Variants in ANO9 observed in about 807,000 individuals in gnomAD.
ANO9 encodes anoctamin-9.
Under a neutral mutation model 100.5 loss-of-function variants are expected in ANO9, and 80 were observed. That is an observed-to-expected ratio of 0.80 (90% confidence interval 0.66 to 0.96). The LOEUF is 0.96. Ranked by LOEUF, ANO9 falls within the 40% of genes least tolerant of loss-of-function variation. ANO9 has a pLI of 0.00. For missense variants in ANO9, 1,064 were observed against 1,072.7 expected, an observed-to-expected ratio of 0.99 and a Z score of 0.11; for synonymous variants, 473 against 435.6, an observed-to-expected ratio of 1.09 and a Z score of -1.07.
intron 3 of ANO9, 146 bp from the exon 4 acceptor site, chr11:433,605 G>C (rs1166052324): frequency 3.8e-5 from 55 of 1,432,128 alleles, no homozygotes; most frequent in Non-Finnish European, 5.0e-5. Context: ...CTGTGGCCCA[G>C]AGCCACGGAG....
rs764537966 is a variant in ANO9, at chr11:418,467, C to A, written c.2253G>T (p.Arg751Ser). The change falls in exon 23 of 23, where the codon AGG becomes AGT. Residue 751 changes from arginine to serine, a missense_variant. Transcript: ENST00000332826. ...CTGCCCCCACCCCACCCAGCCTCTGCCTTCCATGCCACATCTTCTCACGCA... is the reference window on the plus strand; with the variant it reads ...CTGCCCCCACCCCACCCAGCCTCTGACTTCCATGCCACATCTTCTCACGCA... ...QRLREKMWHGRQRLGGVGAGS... is the reference protein window; with the variant it reads ...QRLREKMWHGSQRLGGVGAGS... 6.2e-7 allele frequency: 1 copy of A among 1,613,034 alleles called. No homozygotes were observed. Among genetic ancestry groups the A allele is most frequent in the South Asian group, 1.1e-5 (1 of 91,088 alleles).
In ANO9 at chr11:418,159, T is replaced by A. The variant is rs1847956076; in HGVS notation, c.*212A>T. The A allele has an allele frequency of 6.9e-6, 4 of 577,384 alleles. No homozygotes were observed. In the South Asian group the frequency reaches 9.3e-5, roughly 13 times the overall value. 35.8% of individuals were successfully genotyped at this position (577,384 alleles called of 1,614,324 possible). On this transcript the variant is annotated 3_prime_UTR_variant, in exon 23 of 23. Transcript: ENST00000332826. ...TGCCCAGGGTCACCCAGAGTTCAAGTCAGGGCTGTGCCAAGCCTGAGAGCC... is the reference window on the plus strand; with the variant it reads ...TGCCCAGGGTCACCCAGAGTTCAAGACAGGGCTGTGCCAAGCCTGAGAGCC...
At chr11:420,158 G>A (rs959251949) in intron 19 of ANO9, 27 of 1,363,386 alleles carry the variant, frequency 2.0e-5, no homozygotes, top group Admixed American at 3.2e-5. Flanking sequence ...TCTTGGGACA[G>A]AGGCCGGCTG....
chr11:441,034 C>G (rs889250234), intron 1 of ANO9, among the ~76,000 whole-genome samples: 1 of 152,172 alleles, frequency 6.6e-6, no homozygotes, highest in African/African-American at 2.4e-5. Flanking sequence ...CAGAGGGGAC[C>G]CTGAGCTCAG....
Position 433,559 on chromosome 11 carries a change from C to G in ANO9, c.205-100G>C, listed in dbSNP as rs552358650. On this transcript the variant is annotated intron_variant, in intron 3 of 22. Transcript: ENST00000332826. ...CTATTCCACCTCAGAACCCTCCCCCCTCTATTCCGCCTCAGAACCCTCCCT... is the reference window on the plus strand; with the variant it reads ...CTATTCCACCTCAGAACCCTCCCCCGTCTATTCCGCCTCAGAACCCTCCCT... 53 of 1,478,434 alleles carry G rather than the reference C, an allele frequency of 3.6e-5. 1 individual carries two copies. Among genetic ancestry groups the G allele is most frequent in the East Asian group, 1.9e-4 (8 of 41,472 alleles). 91.6% of individuals were successfully genotyped at this position (1,478,434 alleles called of 1,614,324 possible).
chr11:441,824 TC>T, intron 1 of ANO9, 96 bp downstream of exon 1: 1 of 1,517,650 alleles, frequency 6.6e-7, no homozygotes, highest in Non-Finnish European at 8.8e-7. Flanking sequence ...ACAGGCGCCT[TC>T]CAGGTGGGGC....
intron 15 of ANO9, among the ~76,000 whole-genome samples, chr11:426,062 A>T (rs910322263): frequency 1.3e-5 from 2 of 152,308 alleles, no homozygotes; most frequent in Middle Eastern, 3.4e-3. Context: ...AGGCACTTTT[A>T]AAAAATGAAA....
intron 1 of ANO9, among the ~76,000 whole-genome samples, chr11:437,046 G>C (rs1161214298): frequency 7.1e-6 from 1 of 141,080 alleles, no homozygotes; most frequent in Non-Finnish European, 1.6e-5. Flanking sequence ...CGGGGGGTGC[G>C]TGGGGGGTGA....
At position 429,642 on chromosome 11, in the gene ANO9, G is replaced by C; in HGVS notation, c.843C>G (p.Phe281Leu). 2 of 1,612,606 alleles carry C rather than the reference G, an allele frequency of 1.2e-6. No homozygotes were observed. Among genetic ancestry groups the C allele is most frequent in the Non-Finnish European group, 1.7e-6 (2 of 1,179,870 alleles). ...CGCGCTGCCGCTTCCAGATCTCCAG[G>C]AACACCGTGGCTGCGGCGGGGGCAA... ...AIFMALWATV[F>L]LEIWKRQRAR... The change falls in exon 11 of 23, where the codon TTC becomes TTG. Residue 281 changes from phenylalanine (F) to leucine (L), a missense_variant. Physicochemically the swap from Phe to Leu is conservative, Grantham distance 22 (BLOSUM62 0). Coordinates refer to ENST00000332826, the MANE Select transcript of ANO9 (RefSeq NM_001012302.3).
chr11:434,136 T>C, intron 1 of ANO9, 38 bp from the exon 2 acceptor site: 1 of 1,545,700 alleles, frequency 6.5e-7, no homozygotes. Flanking sequence ...TAGGAGGATG[T>C]GATTGGGGGC....
chr11:438,857 C>G (rs1043084545), intron 1 of ANO9, among the ~76,000 whole-genome samples: 5 of 152,186 alleles, frequency 3.3e-5, no homozygotes, highest in African/African-American at 1.2e-4. Context: ...TCCATGGGCC[C>G]CACCTCCGGG....
At chr11:436,534 C>T (rs1849559440) in intron 1 of ANO9, among the ~76,000 whole-genome samples, 1 of 151,368 alleles carries the variant, frequency 6.6e-6, no homozygotes, top group Non-Finnish European at 1.5e-5. Context: ...AACCACAGAA[C>T]AGAAGGCTCT....
At chr11:425,471 C>T (rs1048480143) in intron 15 of ANO9, among the ~76,000 whole-genome samples, 3 of 150,840 alleles carry the variant, frequency 2.0e-5, no homozygotes, top group South Asian at 2.1e-4. Context: ...AAAGAAACTC[C>T]AGGAAAAACA....
chr11:428,082 C>G lies in ANO9; in HGVS notation c.1334+6G>C, dbSNP rs201483586. ...TGGGTTGGAGGGAGCCTGGCGCCGG[C>G]CCTACCTGCCCAGGATGAAGGCGAT... On this transcript the variant is annotated splice_donor_region_variant and intron_variant, in intron 15 of 22. Transcript: ENST00000332826. The G allele has an allele frequency of 2.1e-3, 3,354 of 1,597,186 alleles. 10 individuals carry two copies. Among genetic ancestry groups the G allele is most frequent in the Non-Finnish European group, 2.6e-3 (3,022 of 1,174,954 alleles).
rs765350358 is a variant in ANO9, at chr11:418,438, G to A, written c.2282C>T (p.Ser761Phe). 35 of 1,612,558 alleles carry A rather than the reference G, an allele frequency of 2.2e-5. No individual in the cohort carries two copies. Among genetic ancestry groups the A allele is most frequent in the African/African-American group, 2.7e-5 (2 of 74,914 alleles). ...GGGATGGGCAGGCATTGGGGGCCGA[G>A]AGCCTGCCCCCACCCCACCCAGCCT... ...RQRLGGVGAG[S>F]RPPMPAHPTP... The change falls in exon 23 of 23, where the codon TCT (serine) becomes TTT (phenylalanine). Residue 761 changes from serine to phenylalanine, a missense_variant. Physicochemically the swap from Ser to Phe is radical, Grantham distance 155. Transcript: ENST00000332826.
Position 418,312 on chromosome 11 carries a change from G to T in ANO9, c.*59C>A. The T allele has an allele frequency of 6.8e-7, 1 of 1,461,488 alleles. No homozygotes were observed. The highest frequency in any genetic ancestry group is 9.2e-7 in the Non-Finnish European group (1 of 1,091,780). 90.5% of individuals were successfully genotyped at this position (1,461,488 alleles called of 1,614,324 possible). ...TCAACACGCACAGCGGTGGGCTTGT[G>T]GGAGGTGCTGGTGGTGGCACTGTCT... On this transcript the variant is annotated 3_prime_UTR_variant, in exon 23 of 23. Transcript: ENST00000332826.
chr11:438,997 C>T (rs553404222), intron 1 of ANO9, among the ~76,000 whole-genome samples: 21 of 152,318 alleles, frequency 1.4e-4, no homozygotes, highest in African/African-American at 5.1e-4. Flanking sequence ...GGGAGGCCGG[C>T]TCTGGGTGGA....
rs1016715326 is a variant in ANO9, at chr11:421,336, C to T, written c.1335-138G>A. The T allele has an allele frequency of 6.8e-6, 6 of 876,272 alleles. No homozygotes were observed. Among genetic ancestry groups the T allele is most frequent in the Admixed American group, 6.5e-5 (2 of 30,814 alleles). The allele number at this position is 876,272 out of a possible 1,614,324, so 54.3% of individuals were successfully genotyped here. A position where few individuals can be genotyped will look rare whatever the true frequency, so the allele number is the denominator to read the frequency against. On this transcript the variant is annotated intron_variant, in intron 15 of 22. Transcript: ENST00000332826. The surrounding 1 kb of genome is among the most constrained non-coding windows in gnomAD (Gnocchi z 6.8). The stretch of plus-strand genomic sequence containing the variant: ...TGCAGGTGAGCGGGGCACAGGTGCT[C>T]ACACCCAGATGAACCGCACCCGCAC...
At chr11:441,267 C>T (rs1845850226) in intron 1 of ANO9, among the ~76,000 whole-genome samples, 1 of 152,212 alleles carries the variant, frequency 6.6e-6, no homozygotes, top group African/African-American at 2.4e-5. Context: ...GCCCTGGCCC[C>T]AGGTGACCTC....
Sources: gnomAD v4.1 joint callset for allele counts (sites outside exome capture counted in the v4.1 genomes callset) on GRCh38, gnomAD v4.1.1 for gene constraint, Gnocchi (gnomAD v3.1) non-coding constraint, MANE v1.5 for transcripts, NCBI Gene and HGNC (gene_info 2026-07-23, HGNC 2026-07-21) for gene names.